The following PLEKHH3 variants were observed in gnomAD, a reference collection of about 807,000 sequenced individuals.
PLEKHH3 encodes the protein pleckstrin homology, MyTH4 and FERM domain containing H3.
Under a neutral mutation model 77.8 loss-of-function variants are expected in PLEKHH3, and 57 were observed. The ratio of observed to expected loss-of-function variants is 0.73; its 90% confidence interval spans 0.59 to 0.91. The LOEUF (loss-of-function observed/expected upper bound fraction) is 0.91, where lower values mean the gene tolerates loss of function less well. PLEKHH3 is among the 40% of genes least tolerant of loss of function. The pLI is 0.00. For missense variants in PLEKHH3, 1,082 were observed against 1,091.2 expected, an observed-to-expected ratio of 0.99 and a Z score of 0.12; for synonymous variants, 467 against 504.8, an observed-to-expected ratio of 0.93 and a Z score of 1.00.
chr17:42,670,790 T>C, intron 9 of PLEKHH3, 85 bp from the exon 10 acceptor site: 1 of 1,533,090 alleles, frequency 6.5e-7, no homozygotes, highest in Non-Finnish European at 8.8e-7. Context: ...GGGCCATGTG[T>C]TTGGGGCGGG....
chr17:42,674,317 G>A (rs1250789912), intron 2 of PLEKHH3, 37 bp downstream of exon 2: 1 of 1,538,962 alleles, frequency 6.5e-7, no homozygotes, highest in East Asian at 2.3e-5. Flanking sequence ...GAACATGCTG[G>A]GGTCGCCAGA....
In PLEKHH3 at chr17:42,672,190, G is replaced by T. The variant is rs2052716951; in HGVS notation, c.972C>A (p.Thr324=). The T allele has an allele frequency of 6.4e-7, 1 of 1,551,342 alleles. No homozygotes were observed. Among genetic ancestry groups the T allele is most frequent in the African/African-American group, 1.4e-5 (1 of 73,206 alleles). Residue 324 remains threonine (T), a synonymous_variant, in exon 7 of 13, where the codon ACC becomes ACA. Coordinates refer to ENST00000591022, the MANE Select transcript of PLEKHH3 (RefSeq NM_024927.5). The part of the protein sequence containing the change: ...GPAGPPGLPA[T]QDPAALRYWQ... ...AGTACCGCAGGGCCGCAGGGTCTTG[G>T]GTAGCCGGGAGCCCGGGGGGACCTG...
Position 42,669,479 on chromosome 17 carries a change from G to A in PLEKHH3, c.2156C>T (p.Thr719Ile), listed in dbSNP as rs763251030. 5.7e-5 allele frequency: 91 copies of A among 1,599,650 alleles called. 1 individual carries two copies. In the Admixed American group the frequency reaches 1.5e-3, roughly 27 times the overall value. ...GCTCTCTCCCACCCTCAAGGCCAGG[G>A]TGTGGGGGCCCATTAGCTGGCAGGC... ...VAACQLMGPH[T>I]LALRVGESQL... The change falls in exon 12 of 13, where the codon ACC (threonine) becomes ATC (isoleucine). Residue 719 changes from threonine (T) to isoleucine (I), a missense_variant. Around this residue, in one of 3 missense-constraint regions of PLEKHH3, gnomAD observed 733 missense variants for 750.0 expected, o/e 0.98. Transcript: ENST00000591022.
Position 42,673,165 on chromosome 17 carries a change from G to A in PLEKHH3, c.769+11C>T, listed in dbSNP as rs750105579. 2.0e-6 allele frequency: 3 copies of A among 1,508,700 alleles called. No individual in the cohort carries two copies. Among genetic ancestry groups the A allele is most frequent in the South Asian group, 2.7e-5 (2 of 74,582 alleles). 93.5% of individuals were successfully genotyped at this position (1,508,700 alleles called of 1,614,324 possible). Reference sequence around the variant, plus strand: ...TCCCATCCAGGGGACTTGGGCCATGGGACCACTCACCTGGGGCGCTGACTC... The same window carrying A: ...TCCCATCCAGGGGACTTGGGCCATGAGACCACTCACCTGGGGCGCTGACTC... On this transcript the variant is annotated intron_variant, in intron 6 of 12. Coordinates refer to ENST00000591022, the MANE Select transcript of PLEKHH3 (RefSeq NM_024927.5).
chr17:42,671,981 A>G lies in PLEKHH3; in HGVS notation c.1076+105T>C, dbSNP rs1037313761. ...TATCTCCCACAAAGGCACTGTATGT[A>G]TTACTCGGTTCTTTACCTACCAAGT... On this transcript the variant is annotated intron_variant, in intron 7 of 12. Transcript: ENST00000591022. This position sits in a 1 kb window ranked among gnomAD's most constrained non-coding sequence, Gnocchi z 4.7. 17 of 939,256 alleles carry G rather than the reference A, an allele frequency of 1.8e-5. No individual in the cohort carries two copies. The highest frequency in any genetic ancestry group is 3.3e-5 in the African/African-American group (2 of 59,926). The allele number at this position is 939,256 out of a possible 1,614,324, so 58.2% of individuals were successfully genotyped here. A position where few individuals can be genotyped will look rare whatever the true frequency, so the allele number is the denominator to read the frequency against.
rs1463657611 is a variant in PLEKHH3, at chr17:42,672,352, C to T, written c.810G>A (p.Leu270=). The change falls in exon 7 of 13, where the codon CTG becomes CTA. Residue 270 remains leucine, a synonymous_variant. Coordinates refer to ENST00000591022, the MANE Select transcript of PLEKHH3 (RefSeq NM_024927.5). ...YAPLREEAVR[L]FLALQALEGA... ...CCTCCAGCGCCTGCAGCGCCAAGAA[C>T]AGCCGCACCGCCTCCTCGCGCAGGG... is the stretch of plus-strand genomic sequence containing the variant. 1.1e-5 allele frequency: 17 copies of T among 1,542,944 alleles called. No homozygotes were observed. The highest frequency in any genetic ancestry group is 2.0e-5 in the Admixed American group (1 of 50,708).
In PLEKHH3 at chr17:42,676,782, G is replaced by A; in HGVS notation, c.-219C>T. 1 of 599,072 alleles carries A rather than the reference G, an allele frequency of 1.7e-6. No homozygotes were observed. 37.1% of individuals were successfully genotyped at this position (599,072 alleles called of 1,614,324 possible). ...GTGTCTGGGCCCCCGGAGGGGGGAG[G>A]GGGAAAAGCGTCCAGGGCCCCGGGA... On this transcript the variant is annotated 5_prime_UTR_variant, in exon 1 of 13. Coordinates refer to ENST00000591022, the MANE Select transcript of PLEKHH3 (RefSeq NM_024927.5). This position sits in a 1 kb window ranked among gnomAD's most constrained non-coding sequence, Gnocchi z 6.6.
At position 42,670,881 on chromosome 17, in the gene PLEKHH3, G is replaced by T. The variant is rs1019707750; in HGVS notation, c.1421+113C>A. 7 of 1,538,118 alleles carry T rather than the reference G, an allele frequency of 4.6e-6. No homozygotes were observed. The Admixed American group carries it at 6.1e-5, about 13-fold the overall frequency. On this transcript the variant is annotated intron_variant, in intron 9 of 12. Coordinates refer to ENST00000591022, the MANE Select transcript of PLEKHH3 (RefSeq NM_024927.5). ...CGGGCAGGTCCGTCTGTAAACCAGCGAACACCACAGCGCAGGGCCAGGGGC... is the reference window on the plus strand; with the variant it reads ...CGGGCAGGTCCGTCTGTAAACCAGCTAACACCACAGCGCAGGGCCAGGGGC...
intron 9 of PLEKHH3, 80 bp downstream of exon 9, chr17:42,670,914 G>A: frequency 6.4e-7 from 1 of 1,568,268 alleles, no homozygotes; most frequent in Non-Finnish European, 8.6e-7. Flanking sequence ...GGCAAGCGCT[G>A]GATAATGTCC....
At position 42,676,401 on chromosome 17, in the gene PLEKHH3, C is replaced by A; in HGVS notation, c.162+1G>T. 6.2e-7 allele frequency: 1 copy of A among 1,613,102 alleles called. No homozygotes were observed. Among genetic ancestry groups the A allele is most frequent in the Non-Finnish European group, 8.5e-7 (1 of 1,179,872 alleles). ...CGAGGCTCCGAACCCCCGGGACTTA[C>A]CCTCCCGCCGCCCGCTGGACTCGGG... is the stretch of plus-strand genomic sequence containing the variant. On this transcript the variant is annotated splice_donor_variant, in intron 1 of 12. Coordinates refer to ENST00000591022, the MANE Select transcript of PLEKHH3 (RefSeq NM_024927.5). LOFTEE classifies it high-confidence loss of function. The surrounding 1 kb of genome is among the most constrained non-coding windows in gnomAD (Gnocchi z 6.6).
Position 42,669,562 on chromosome 17 carries a change from G to A in PLEKHH3, c.2073C>T (p.Ser691=), listed in dbSNP as rs757410857. 8 of 1,611,976 alleles carry A rather than the reference G, an allele frequency of 5.0e-6. No homozygotes were observed. In the South Asian group the frequency reaches 7.7e-5, roughly 15 times the overall value. The change falls in exon 12 of 13, where the codon TCC becomes TCT. Residue 691 remains serine (S), a synonymous_variant. Transcript: ENST00000591022. The part of the protein sequence containing the change: ...LCLGLGAKAM[S]LSRPGETEPI... The stretch of plus-strand genomic sequence containing the variant: ...GCTCCGTCTCCCCTGGCCGGGAGAG[G>A]GACATGGCCTTGGCTCCCAAGCCCA...
chr17:42,670,213 G>A lies in PLEKHH3; in HGVS notation c.1718C>T (p.Pro573Leu), dbSNP rs1223909674. ...GGGCGGCCTGGGGGTCGGGCGGGGC[G>A]GGTCTTCGCGCGGCGGGGCCGGGGG... Reference protein sequence around the residue: ...LPPPAPPREDPPRPTPRPPPS... With the variant: ...LPPPAPPREDLPRPTPRPPPS... The change falls in exon 11 of 13, where the codon CCG (proline) becomes CTG (leucine). Residue 573 changes from proline (P) to leucine (L), a missense_variant. Transcript: ENST00000591022. The A allele has an allele frequency of 8.2e-7, 1 of 1,213,198 alleles. No individual in the cohort carries two copies. The highest frequency in any genetic ancestry group is 4.0e-5 in the South Asian group (1 of 25,198). 75.2% of individuals were successfully genotyped at this position (1,213,198 alleles called of 1,614,324 possible). A position where few individuals can be genotyped will look rare whatever the true frequency, so the allele number is the denominator to read the frequency against.
rs755489630 is a variant in PLEKHH3 at position 42,669,882 on chromosome 17, G to C, written c.2013+36C>G. The C allele has an allele frequency of 1.9e-6, 3 of 1,608,736 alleles. No individual in the cohort carries two copies. In the African/African-American group the frequency reaches 4.0e-5, roughly 22 times the overall value. ...CTCTGGGGCAAAGGTGTGGGGCTTG[G>C]GCCGCCAGAGTCCCCTTCTCCCTTC... On this transcript the variant is annotated intron_variant, in intron 11 of 12. Coordinates refer to ENST00000591022, the MANE Select transcript of PLEKHH3 (RefSeq NM_024927.5).
At chr17:42,673,024 G>T in intron 6 of PLEKHH3, 152 bp downstream of exon 6, 1 of 1,123,462 alleles carries the variant, frequency 8.9e-7, no homozygotes. Flanking sequence ...CCTCCACCCT[G>T]GCCAGCTTCC....
Position 42,669,984 on chromosome 17 carries a change from G to GT in PLEKHH3, c.1946dup (p.Tyr649Ter). ...CCGGACACTGCGCCGCCAGGGCCAG[G>GT]TAGGCGGCCATGGCCTCAGCTCGGC... ...GMGRAEAMAAYLALAAQCPGF... is the reference protein window; with the variant it reads ...GMGRAEAMAA The change falls in exon 11 of 13, where the codon TAC (tyrosine) becomes TAAC (stop). Residue 649 changes from tyrosine to a stop codon, truncating the protein, a stop_gained and frameshift_variant. Transcript: ENST00000591022. LOFTEE classifies it high-confidence loss of function. 6.2e-7 allele frequency: 1 copy of GT among 1,610,248 alleles called. No individual in the cohort carries two copies. Among genetic ancestry groups the GT allele is most frequent in the Non-Finnish European group, 8.5e-7 (1 of 1,179,192 alleles).
intron 9 of PLEKHH3, 58 bp from the exon 10 acceptor site, chr17:42,670,763 A>C: frequency 1.3e-6 from 2 of 1,496,680 alleles, no homozygotes; most frequent in Admixed American, 1.8e-5. Flanking sequence ...CGGCGAGGGC[A>C]GCTTGGGGTG....
intron 6 of PLEKHH3, among the ~76,000 whole-genome samples, chr17:42,672,763 C>T (rs1288468145): frequency 2.6e-5 from 4 of 152,162 alleles, no homozygotes. Context: ...TCCCAGCACC[C>T]TTTAATCCTC....
chr17:42,674,521 G>T, intron 1 of PLEKHH3, 112 bp from the exon 2 acceptor site: 2 of 962,668 alleles, frequency 2.1e-6, no homozygotes, highest in Non-Finnish European at 1.4e-6. Flanking sequence ...AGGAGTCACA[G>T]AGTGGGGTCG....
intron 9 of PLEKHH3, 80 bp from the exon 10 acceptor site, chr17:42,670,785 A>G (rs1239431696): frequency 2.1e-6 from 3 of 1,404,288 alleles, no homozygotes; most frequent in Non-Finnish European, 2.9e-6. Flanking sequence ...GGGCGGGGCC[A>G]TGTGTTTGGG....
Sources: allele counts gnomAD v4.1 joint callset (sites outside exome capture counted in the v4.1 genomes callset), GRCh38; gene constraint gnomAD v4.1.1; regional missense constraint gnomAD v4.1.1; non-coding constraint Gnocchi (gnomAD v3.1); transcripts MANE v1.5; gene names NCBI Gene and HGNC (gene_info 2026-07-23, HGNC 2026-07-21).